The following LARP4B variants were observed in gnomAD, a reference collection of about 807,000 sequenced individuals.
LARP4B encodes La ribonucleoprotein 4B, also known as la-related protein 4B.
A neutral mutation model predicts 89.8 loss-of-function variants in LARP4B; 12 were observed. The ratio of observed to expected loss-of-function variants is 0.13; its 90% CI spans 0.09 to 0.22. The LOEUF is 0.22. Ranked by LOEUF, LARP4B falls within the 10% of genes least tolerant of loss-of-function variation. The pLI is 1.00. For missense variants in LARP4B, 757 were observed against 947.7 expected, an observed-to-expected ratio of 0.80 and a Z score of 2.64; for synonymous variants, 367 against 363.3, an observed-to-expected ratio of 1.01 and a Z score of -0.12.
Position 836,515 on chromosome 10 carries a change from A to G in LARP4B, c.647-9T>C. On this transcript the variant is annotated splice_polypyrimidine_tract_variant and intron_variant, in intron 7 of 17. Transcript: ENST00000316157. ...TTGGACTAAAGGTAAAGCTACAAAG[A>G]GAAGAAAAATCAATGGTGAAACAAA... 6.4e-7 allele frequency: 1 copy of G among 1,569,046 alleles called. No homozygotes were observed. The highest frequency in any genetic ancestry group is 8.8e-7 in the Non-Finnish European group (1 of 1,142,766).
At chr10:961,222 G>A in the LARP4B span, among the ~76,000 whole-genome samples, 3 of 152,228 alleles carry the variant, frequency 2.0e-5, no homozygotes, top group African/African-American at 7.2e-5. Flanking sequence ...TTCTTGGCTC[G>A]TTGATGGCTG....
At chr10:832,622 G>T (rs971407001) in intron 8 of LARP4B, among the ~76,000 whole-genome samples, 1 of 152,150 alleles carries the variant, frequency 6.6e-6, no homozygotes, top group Admixed American at 6.5e-5. Context: ...GAAGGATGGT[G>T]ATAAAAACCA....
the LARP4B span, among the ~76,000 whole-genome samples, chr10:965,525 G>A: frequency 6.6e-6 from 1 of 152,080 alleles, no homozygotes; most frequent in Non-Finnish European, 1.5e-5. Context: ...CGCAGCAGAC[G>A]CGATGGAAGA....
the LARP4B span, among the ~76,000 whole-genome samples, chr10:963,206 CAT>C: frequency 6.6e-6 from 1 of 152,162 alleles, no homozygotes; most frequent in African/African-American, 2.4e-5. Flanking sequence ...TATTTTTAAC[CAT>C]ATGTTTAAAA....
intron 1 of LARP4B, among the ~76,000 whole-genome samples, chr10:904,835 A>T (rs1028895970): frequency 6.6e-6 from 1 of 152,212 alleles, no homozygotes; most frequent in Non-Finnish European, 1.5e-5. Context: ...AAGGGTAAGA[A>T]GATGACTGCC....
the LARP4B span, among the ~76,000 whole-genome samples, chr10:939,316 T>C: frequency 1.7e-3 from 258 of 152,292 alleles, 1 homozygote; most frequent in African/African-American, 5.9e-3. Flanking sequence ...GGGTGAGGCC[T>C]GTTAGGAGGT....
In LARP4B at chr10:810,493, CCCT is replaced by C. The variant is rs766829231; in HGVS notation, c.*2430_*2432del. ...TGGCGACTGGCTAATGCACGCGCTG[CCCT>C]CCTCATGCAGCTGTTGAGCTCCCAC... On this transcript the variant is annotated 3_prime_UTR_variant, in exon 18 of 18. Coordinates refer to ENST00000316157, the MANE Select transcript of LARP4B (RefSeq NM_015155.3). The C allele has an allele frequency of 1.3e-5, 2 of 152,230 alleles. No individual in the cohort carries two copies. Among genetic ancestry groups the C allele is most frequent in the Non-Finnish European group, 1.5e-5 (1 of 68,060 alleles). 9.4% of individuals were successfully genotyped at this position (152,230 alleles called of 1,614,324 possible).
chr10:867,630 A>G (rs1588940508), intron 3 of LARP4B, among the ~76,000 whole-genome samples: 2 of 152,148 alleles, frequency 1.3e-5, no homozygotes, highest in Admixed American at 1.3e-4. Context: ...GGAGGCCAAG[A>G]TGGGCAGATC....
chr10:936,154 C>G (rs1043262475), upstream of LARP4B, among the ~76,000 whole-genome samples: 1 of 152,076 alleles, frequency 6.6e-6, no homozygotes, highest in African/African-American at 2.4e-5. Context: ...ATTGATTAAA[C>G]AAATATTCAC....
chr10:976,726 G>C, the LARP4B span, among the ~76,000 whole-genome samples: 2 of 144,322 alleles, frequency 1.4e-5, no homozygotes, highest in African/African-American at 5.6e-5. Context: ...GTAATGTGTG[G>C]CCTGGCCTAG....
intron 1 of LARP4B, among the ~76,000 whole-genome samples, chr10:923,547 G>C (rs1323062014): frequency 1.3e-5 from 2 of 151,324 alleles, no homozygotes; most frequent in East Asian, 3.9e-4. Flanking sequence ...AAAGGTTACT[G>C]GTATTCTCTG....
rs186313929 is a variant in LARP4B at position 880,448 on chromosome 10, A to C, written c.141+3999T>G. ...AAGCCTGTAATCCCAACACCTTGGG[A>C]GGCCAAGGCGGGCAGATCACTTGAG... is the stretch of plus-strand genomic sequence containing the variant. On this transcript the variant is annotated intron_variant, in intron 3 of 17. Transcript: ENST00000316157. 1.1e-3 allele frequency among the ~76,000 whole-genome samples: 167 copies of C among 152,248 alleles called. 3 individuals are homozygous for C. The East Asian group carries it at 0.028, about 26-fold the overall frequency.
upstream of LARP4B, chr10:933,052 G>C (rs1419384115): frequency 6.6e-6 from 1 of 152,206 alleles, no homozygotes; most frequent in Non-Finnish European, 1.5e-5. Context: ...TGACGACTCC[G>C]AACTATAGCA....
chr10:986,309 C>CA, the LARP4B span: 1 of 152,236 alleles, frequency 6.6e-6, no homozygotes, highest in African/African-American at 2.4e-5. Flanking sequence ...GGTACACACT[C>CA]AGAGGCGTCC....
intron 3 of LARP4B, among the ~76,000 whole-genome samples, chr10:874,234 CAAACA>C (rs111889691): frequency 6.6e-6 from 1 of 151,900 alleles, no homozygotes; most frequent in Non-Finnish European, 1.5e-5. Flanking sequence ...GACTCCATCT[CAAACA>C]AAACAAAACA....
At chr10:865,953 A>T (rs1357814768) in intron 3 of LARP4B, among the ~76,000 whole-genome samples, 1 of 152,186 alleles carries the variant, frequency 6.6e-6, no homozygotes, top group Non-Finnish European at 1.5e-5. Context: ...AACACAGGAG[A>T]AGGGCTGGAA....
At chr10:985,301 T>C in the LARP4B span, 5 of 152,340 alleles carry the variant, frequency 3.3e-5, no homozygotes, top group African/African-American at 1.2e-4. Context: ...AATAAGAACA[T>C]AGATAATACA....
At chr10:906,555 T>C (rs891384928) in intron 1 of LARP4B, among the ~76,000 whole-genome samples, 3 of 150,226 alleles carry the variant, frequency 2.0e-5, no homozygotes, top group Admixed American at 1.3e-4. Context: ...CCACGGTATG[T>C]GTGCAAAGGA....
chr10:919,502 A>T (rs1165017269), intron 1 of LARP4B, among the ~76,000 whole-genome samples: 1 of 152,074 alleles, frequency 6.6e-6, no homozygotes, highest in South Asian at 2.1e-4. Flanking sequence ...ATGGGGGGAA[A>T]AAAGGGAGGG....
Sources: gnomAD v4.1 joint callset for allele counts (sites outside exome capture counted in the v4.1 genomes callset) on GRCh38, gnomAD v4.1.1 for gene constraint, MANE v1.5 for transcripts, NCBI Gene and HGNC (gene_info 2026-07-23, HGNC 2026-07-21) for gene names.